Variants in PRIM2 observed in about 807,000 individuals in gnomAD.
PRIM2 encodes DNA primase large subunit.
A neutral mutation model predicts 67.3 loss-of-function variants in PRIM2; 39 were observed. That is an observed-to-expected ratio of 0.58 (90% CI 0.45 to 0.76). PRIM2 has a LOEUF of 0.76. PRIM2 is among the 30% of genes least tolerant of loss of function. The pLI is 0.00. For synonymous variants in PRIM2, 143 were observed against 198.7 expected (o/e 0.72, Z 2.36); for missense variants, 398 against 598.7 (o/e 0.66, Z 3.50).
At chr6:57,362,754 CA>C (rs1370390436) in intron 5 of PRIM2, among the ~76,000 whole-genome samples, 1 of 151,678 alleles carries the variant, frequency 6.6e-6, no homozygotes, top group African/African-American at 2.4e-5. Context: ...AATTGTGCAC[CA>C]AAAGGTTATT....
intron 5 of PRIM2, among the ~76,000 whole-genome samples, chr6:57,338,580 G>A (rs186733935): frequency 6.6e-6 from 1 of 151,296 alleles, no homozygotes; most frequent in Admixed American, 6.6e-5. Context: ...ATGTAATCCA[G>A]CATATAAACA....
At chr6:57,605,553 T>C (rs1328242445) in intron 11 of PRIM2, among the ~76,000 whole-genome samples, 3 of 152,224 alleles carry the variant, frequency 2.0e-5, no homozygotes, top group Non-Finnish European at 2.9e-5. Flanking sequence ...TTTTCTAATT[T>C]GTGAAAAATG....
intron 5 of PRIM2, among the ~76,000 whole-genome samples, chr6:57,336,017 A>T (rs1301921799): frequency 6.6e-6 from 1 of 151,886 alleles, no homozygotes; most frequent in East Asian, 1.9e-4. Flanking sequence ...TGCTTAAAGG[A>T]GCTGATGGAG....
At chr6:57,626,515 GAA>G (rs1238835365) in intron 12 of PRIM2, among the ~76,000 whole-genome samples, 3 of 144,636 alleles carry the variant, frequency 2.1e-5, no homozygotes, top group African/African-American at 7.6e-5. Flanking sequence ...TTCTCTTACA[GAA>G]AAAAAAAATC....
rs1375745755 is a variant in PRIM2, at chr6:57,532,353, G to A, written c.762-58G>A. ...TTTCAGAATTTAAAAAATTTCCTTC[G>A]AAGGGATCAAAAGTATTTTATGAAT... On this transcript the variant is annotated intron_variant, in intron 8 of 13. Transcript: ENST00000615550. 152 of 690,198 alleles carry A rather than the reference G, an allele frequency of 2.2e-4. 2 individuals carry two copies. In the African/African-American group the frequency reaches 2.4e-3, roughly 11 times the overall value. The allele number at this position is 690,198 out of a possible 1,614,324, so 42.8% of individuals were successfully genotyped here.
chr6:57,345,829 G>A (rs1433917664), intron 5 of PRIM2, among the ~76,000 whole-genome samples: 3 of 152,170 alleles, frequency 2.0e-5, no homozygotes, highest in Non-Finnish European at 4.4e-5. Flanking sequence ...ACAAGAGGTG[G>A]ATTATTCTTG....
intron 10 of PRIM2, among the ~76,000 whole-genome samples, chr6:57,550,030 A>C (rs1775368676): frequency 6.6e-6 from 1 of 152,130 alleles, no homozygotes; most frequent in South Asian, 2.1e-4. Flanking sequence ...GGTTGTGGTG[A>C]GCTGAGATCT....
chr6:57,283,188 C>T, the PRIM2 span, among the ~76,000 whole-genome samples: 2 of 152,168 alleles, frequency 1.3e-5, no homozygotes, highest in Non-Finnish European at 2.9e-5. Flanking sequence ...TTTCTGAGTG[C>T]CACTCATATG....
chr6:57,525,938 GT>G (rs1337621447), intron 8 of PRIM2, among the ~76,000 whole-genome samples: 2 of 152,074 alleles, frequency 1.3e-5, no homozygotes, highest in East Asian at 3.9e-4. Flanking sequence ...TGTGTGTGGT[GT>G]TTTTTTATTT....
the PRIM2 span, among the ~76,000 whole-genome samples, chr6:57,274,846 G>A: frequency 1.3e-5 from 2 of 151,792 alleles, no homozygotes; most frequent in Admixed American, 6.6e-5. Context: ...GTGTGATCTC[G>A]GGTCACTGCA....
intron 8 of PRIM2, among the ~76,000 whole-genome samples, chr6:57,527,001 G>A (rs1389581225): frequency 9.2e-5 from 14 of 152,184 alleles, no homozygotes; most frequent in African/African-American, 3.1e-4. Context: ...AGAAGGGCAC[G>A]TCTCTTTCCT....
chr6:57,250,239 A>T, the PRIM2 span, among the ~76,000 whole-genome samples: 1 of 152,200 alleles, frequency 6.6e-6, no homozygotes, highest in Non-Finnish European at 1.5e-5. Flanking sequence ...TTCAGACAAT[A>T]TGTGTCATTT....
intron 12 of PRIM2, among the ~76,000 whole-genome samples, chr6:57,619,799 G>A (rs1776819913): frequency 1.3e-5 from 2 of 152,194 alleles, no homozygotes; most frequent in South Asian, 4.1e-4. Context: ...AGAGTAATCG[G>A]TATTCCTGAG....
chr6:57,298,352 C>A, the PRIM2 span, among the ~76,000 whole-genome samples: 11 of 151,986 alleles, frequency 7.2e-5, no homozygotes, highest in African/African-American at 2.7e-4. Flanking sequence ...CAGGGTGAGA[C>A]TCTGTCTCAA....
chr6:57,376,948 C>T (rs1212006081), intron 5 of PRIM2, among the ~76,000 whole-genome samples: 1 of 152,136 alleles, frequency 6.6e-6, no homozygotes, highest in Admixed American at 6.5e-5. Context: ...CACAATCTGG[C>T]TCACCGCAAC....
chr6:57,321,761 G>C (rs1265425738), intron 3 of PRIM2, among the ~76,000 whole-genome samples: 1 of 152,162 alleles, frequency 6.6e-6, no homozygotes, highest in Admixed American at 6.5e-5. Context: ...ATTAACCCAT[G>C]TATGTAATTC....
chr6:57,270,305 A>C, the PRIM2 span, among the ~76,000 whole-genome samples: 2 of 151,822 alleles, frequency 1.3e-5, no homozygotes, highest in Non-Finnish European at 2.9e-5. Flanking sequence ...CTTTTATTTC[A>C]TTGAGCAGTG....
At chr6:57,382,540 A>G (rs1432362305) in intron 7 of PRIM2, 1 of 161,710 alleles carries the variant, frequency 6.2e-6, no homozygotes, top group African/African-American at 2.4e-5. Flanking sequence ...CTGAATTAGT[A>G]TTTGGTATCA....
chr6:57,357,787 G>T (rs113385783), intron 5 of PRIM2, among the ~76,000 whole-genome samples: 1 of 151,792 alleles, frequency 6.6e-6, no homozygotes, highest in Non-Finnish European at 1.5e-5. Flanking sequence ...GTAGAGATGG[G>T]GTTTCACCAT....
Sources: gnomAD v4.1 joint callset for allele counts (sites outside exome capture counted in the v4.1 genomes callset) on GRCh38, gnomAD v4.1.1 for gene constraint, MANE v1.5 for transcripts, NCBI Gene and HGNC (gene_info 2026-07-23, HGNC 2026-07-21) for gene names.